SH3PXD2A: variants seen among roughly 807,000 people sequenced by gnomAD.
SH3PXD2A encodes the protein SH3 and PX domains 2A.
SH3PXD2A carries 32 observed loss-of-function variants against 115.2 expected under a neutral mutation model. The observed-to-expected ratio is 0.28, with a 90% confidence interval of 0.21 to 0.37. The LOEUF (loss-of-function observed/expected upper bound fraction) is 0.37. Among genes scored for constraint, SH3PXD2A ranks in the 10% least tolerant of loss-of-function variants. SH3PXD2A has a pLI of 1.00. For missense variants in SH3PXD2A, 1,328 were observed against 1,498.7 expected (o/e 0.89, Z 1.88); for synonymous variants, 610 against 629.1 (o/e 0.97, Z 0.45).
intron 8 of SH3PXD2A, among the ~76,000 whole-genome samples, chr10:103,640,269 C>T (rs1022228276): frequency 3.3e-5 from 5 of 151,644 alleles, no homozygotes; most frequent in African/African-American, 7.3e-5. Context: ...GAGCCAAGAT[C>T]GCACCACTGC....
At chr10:103,609,310 A>G (rs2036388862) in intron 13 of SH3PXD2A, 1 of 152,406 alleles carries the variant, frequency 6.6e-6, no homozygotes. Context: ...AGGCAAGGCA[A>G]TGGAGCACAG....
chr10:103,626,855 G>A (rs1030203585), intron 9 of SH3PXD2A, among the ~76,000 whole-genome samples: 4 of 152,202 alleles, frequency 2.6e-5, no homozygotes, highest in Non-Finnish European at 4.4e-5. Flanking sequence ...GAGGCTGACT[G>A]TGTAGGGGTC....
chr10:103,689,127 G>A (rs999075656), intron 6 of SH3PXD2A, among the ~76,000 whole-genome samples: 1 of 152,108 alleles, frequency 6.6e-6, no homozygotes, highest in Non-Finnish European at 1.5e-5. Context: ...TCTTGCCTTG[G>A]CCTCCCAAAG....
chr10:103,650,717 T>C (rs146544728), intron 8 of SH3PXD2A, among the ~76,000 whole-genome samples: 2 of 152,340 alleles, frequency 1.3e-5, no homozygotes, highest in Non-Finnish European at 2.9e-5. Context: ...ACAGTATTCA[T>C]GAAAGCTCAC....
At chr10:103,606,219 CATT>C (rs200751501) in intron 13 of SH3PXD2A, among the ~76,000 whole-genome samples, 116 of 135,516 alleles carry the variant, frequency 8.6e-4, no homozygotes, top group East Asian at 2.6e-3. Context: ...TCATCATCAT[CATT>C]ACTCTGAGAT....
At chr10:103,731,475 A>C (rs1219048009) in intron 4 of SH3PXD2A, among the ~76,000 whole-genome samples, 1 of 152,096 alleles carries the variant, frequency 6.6e-6, no homozygotes, top group African/African-American at 2.4e-5. Context: ...GAAGGTCTTT[A>C]AGGAGAAAAG....
intron 4 of SH3PXD2A, among the ~76,000 whole-genome samples, chr10:103,724,724 TCAACCAAC>T (rs747257370): frequency 1.3e-5 from 2 of 150,626 alleles, no homozygotes; most frequent in African/African-American, 4.9e-5. Flanking sequence ...AACCATCCAG[TCAACCAAC>T]CAACCAACCA....
chr10:103,663,199 G>A (rs10883894), intron 7 of SH3PXD2A, among the ~76,000 whole-genome samples: 68,945 of 152,026 alleles, frequency 0.45, 15,791 homozygotes, highest in East Asian at 0.62. Context: ...GTTCCACACA[G>A]CCCCCTTGGT....
chr10:103,841,237 G>A (rs755109651), intron 1 of SH3PXD2A, among the ~76,000 whole-genome samples: 2 of 152,108 alleles, frequency 1.3e-5, no homozygotes, highest in Non-Finnish European at 2.9e-5. Context: ...ATGAGGAGGG[G>A]GCGTTAAAGA....
chr10:103,671,592 A>C (rs1252102031), intron 6 of SH3PXD2A, among the ~76,000 whole-genome samples: 1 of 151,986 alleles, frequency 6.6e-6, no homozygotes, highest in Non-Finnish European at 1.5e-5. Flanking sequence ...TCTCTAGCCC[A>C]CCCTAGCAAG....
chr10:103,680,822 T>G (rs2037598756), intron 6 of SH3PXD2A, among the ~76,000 whole-genome samples: 1 of 152,192 alleles, frequency 6.6e-6, no homozygotes, highest in East Asian at 1.9e-4. Context: ...TCTTTCACAC[T>G]TCGAAACAGA....
At position 103,601,850 on chromosome 10, in the gene SH3PXD2A, C is replaced by T; in HGVS notation, c.3368G>A (p.Trp1123Ter). Residue 1123 changes from tryptophan to a stop codon, truncating the protein, a stop_gained, in exon 15 of 15, where the codon TGG (tryptophan) becomes TAG (stop). Transcript: ENST00000369774. LOFTEE classifies it high-confidence loss of function. ...TTTCTCAAGGTAGTTGGAAGGCACC[C>T]AGCCTTTGAAGGGCTTCACACCATC... ...ILDGVKPFKG[W>*]VPSNYLEKKN 1 of 1,611,722 alleles carries T rather than the reference C, an allele frequency of 6.2e-7. No individual in the cohort carries two copies. Among genetic ancestry groups the T allele is most frequent in the Non-Finnish European group, 8.5e-7 (1 of 1,178,730 alleles).
Position 103,761,252 on chromosome 10 carries a change from G to C in SH3PXD2A, c.229+5842C>G, listed in dbSNP as rs575088528. Among the ~76,000 whole-genome samples the C allele has an allele frequency of 3.2e-4, 49 of 152,270 alleles. 1 individual carries two copies. Among genetic ancestry groups the C allele is most frequent in the African/African-American group, 1.2e-3 (49 of 41,546 alleles). On this transcript the variant is annotated intron_variant, in intron 3 of 14. Transcript: ENST00000369774. The stretch of plus-strand genomic sequence containing the variant: ...GTTACATAAGATGTTACCATTGGGG[G>C]GAAGTGATGTGATGGTGGAAAGTGA...
At chr10:103,771,555 C>T (rs977402711) in intron 2 of SH3PXD2A, among the ~76,000 whole-genome samples, 2 of 152,006 alleles carry the variant, frequency 1.3e-5, no homozygotes, top group African/African-American at 4.8e-5. Context: ...AGTTCACAGA[C>T]CAGCCTGCGA....
intron 3 of SH3PXD2A, among the ~76,000 whole-genome samples, chr10:103,736,410 G>A (rs2038381508): frequency 6.6e-6 from 1 of 152,260 alleles, no homozygotes; most frequent in Non-Finnish European, 1.5e-5. Context: ...GTATGGGCAA[G>A]GCTTACAGGA....
At chr10:103,720,408 G>A (rs1194178709) in intron 5 of SH3PXD2A, among the ~76,000 whole-genome samples, 2 of 152,302 alleles carry the variant, frequency 1.3e-5, no homozygotes, top group Middle Eastern at 6.8e-3. Flanking sequence ...AGAAGCCAGC[G>A]AGTGGCCTGG....
At chr10:103,686,596 T>C (rs1295682406) in intron 6 of SH3PXD2A, among the ~76,000 whole-genome samples, 2 of 152,088 alleles carry the variant, frequency 1.3e-5, no homozygotes, top group African/African-American at 2.4e-5. Context: ...CATCACCTCC[T>C]TGAACCCTGT....
chr10:103,723,561 C>T (rs1048883689), intron 5 of SH3PXD2A, among the ~76,000 whole-genome samples: 1 of 152,146 alleles, frequency 6.6e-6, no homozygotes, highest in East Asian at 1.9e-4. Flanking sequence ...AAAAGACCTG[C>T]ATGGTTCCCT....
chr10:103,732,418 C>G (rs1232816092), intron 4 of SH3PXD2A, among the ~76,000 whole-genome samples: 1 of 152,196 alleles, frequency 6.6e-6, no homozygotes, highest in Non-Finnish European at 1.5e-5. Context: ...AGACACCTGA[C>G]CCTCAAGTGC....
Sources: gnomAD v4.1 joint callset for allele counts (sites outside exome capture counted in the v4.1 genomes callset) on GRCh38, gnomAD v4.1.1 for gene constraint, MANE v1.5 for transcripts, NCBI Gene and HGNC (gene_info 2026-07-23, HGNC 2026-07-21) for gene names.